The following VPS72 variants were observed in gnomAD, a reference collection of about 807,000 sequenced individuals.
The protein encoded by VPS72 is vacuolar protein sorting-associated protein 72 homolog.
VPS72 carries 27 observed loss-of-function variants against 38.9 expected under a neutral mutation model. The observed-to-expected ratio is 0.69, with a 90% CI of 0.51 to 0.96. The LOEUF is 0.96. Ranked by LOEUF, VPS72 falls within the 40% of genes least tolerant of loss-of-function variation. The pLI, the probability that VPS72 is intolerant of heterozygous loss-of-function variation, is 0.00. For synonymous variants in VPS72, 173 were observed against 186.3 expected (o/e 0.93, Z 0.58); for missense variants, 360 against 479.5 (o/e 0.75, Z 2.33).
intron 4 of VPS72, among the ~76,000 whole-genome samples, chr1:151,181,356 T>C (rs980338179): frequency 2.6e-5 from 4 of 151,554 alleles, no homozygotes; most frequent in Non-Finnish European, 5.9e-5. Flanking sequence ...TCCTCAGTGA[T>C]TCTCAGCCCC....
chr1:151,184,589 T>C (rs919911262), intron 3 of VPS72, 96 bp from the exon 4 acceptor site: 9 of 1,325,874 alleles, frequency 6.8e-6, no homozygotes, highest in Non-Finnish European at 8.0e-6. Context: ...AATTTTTTTT[T>C]CTTTTTTTTT....
Position 151,183,660 on chromosome 1 carries a change from C to T in VPS72, c.562+657G>A, listed in dbSNP as rs369278839. On this transcript the variant is annotated intron_variant, in intron 4 of 5. Coordinates refer to ENST00000368892, the MANE Select transcript of VPS72 (RefSeq NM_005997.3). ...TATTTTTGGTAGAGACAGGGTTTCACCATGTTGGCCAGGCTGGTCTGGAAC... is the reference window on the plus strand; with the variant it reads ...TATTTTTGGTAGAGACAGGGTTTCATCATGTTGGCCAGGCTGGTCTGGAAC... Among the ~76,000 whole-genome samples the T allele has an allele frequency of 2.5e-4, 38 of 152,018 alleles. 1 individual carries two copies. The highest frequency in any genetic ancestry group is 8.9e-4 in the African/African-American group (37 of 41,502).
At position 151,185,963 on chromosome 1, in the gene VPS72, G is replaced by A; in HGVS notation, c.118-13C>T. 1 of 1,613,100 alleles carries A rather than the reference G, an allele frequency of 6.2e-7. No homozygotes were observed. The highest frequency in any genetic ancestry group is 1.1e-5 in the South Asian group (1 of 91,008). ...CATCTCCGGATTCCTAAGGACACAG[G>A]GAGATAAGGGTTGGCTGGCAATGGA... On this transcript the variant is annotated splice_polypyrimidine_tract_variant and intron_variant, in intron 1 of 5. Coordinates refer to ENST00000368892, the MANE Select transcript of VPS72 (RefSeq NM_005997.3).
At chr1:151,189,765 G>A (rs1286316060) in intron 1 of VPS72, among the ~76,000 whole-genome samples, 1 of 152,082 alleles carries the variant, frequency 6.6e-6, no homozygotes. Flanking sequence ...GTTCTCTGGA[G>A]TGCCTCCGGA....
At chr1:151,180,263 G>T (rs1427224838) in intron 4 of VPS72, among the ~76,000 whole-genome samples, 2 of 150,846 alleles carry the variant, frequency 1.3e-5, no homozygotes, top group Non-Finnish European at 3.0e-5. Context: ...AGGTTGCAGT[G>T]AGCTGAGATT....
chr1:151,184,710 C>T (rs1476599419), intron 3 of VPS72, among the ~76,000 whole-genome samples: 13 of 151,702 alleles, frequency 8.6e-5, no homozygotes, highest in African/African-American at 1.5e-4. Context: ...CTCAGACTCC[C>T]GAGTAGCTGG....
At chr1:151,183,905 T>TA (rs1043748756) in intron 4 of VPS72, among the ~76,000 whole-genome samples, 41 of 150,980 alleles carry the variant, frequency 2.7e-4, no homozygotes, top group East Asian at 1.7e-3. Context: ...TTTTTTTTTT[T>TA]AAGAGATGGG....
At chr1:151,186,271 G>A (rs1684346403) in intron 1 of VPS72, among the ~76,000 whole-genome samples, 2 of 151,558 alleles carry the variant, frequency 1.3e-5, no homozygotes, top group South Asian at 4.2e-4. Flanking sequence ...TTGAGATGTG[G>A]ATCTCGAACA....
At position 151,176,844 on chromosome 1, in the gene VPS72, C is replaced by G. The variant is rs769012329; in HGVS notation, c.895G>C (p.Ala299Pro). 22 of 1,614,010 alleles carry G rather than the reference C, an allele frequency of 1.4e-5. No individual in the cohort carries two copies. The highest frequency in any genetic ancestry group is 1.7e-5 in the Non-Finnish European group (20 of 1,180,026). ...TCTGTAACAGGGTCCCGGTATAGGGCTGGACGATGGGTCACTGGACAGACC... is the reference window on the plus strand; with the variant it reads ...TCTGTAACAGGGTCCCGGTATAGGGGTGGACGATGGGTCACTGGACAGACC... Reference protein sequence around the residue: ...REVCPVTHRPALYRDPVTDIP... With the variant: ...REVCPVTHRPPLYRDPVTDIP... The change falls in exon 6 of 6, where the codon GCC becomes CCC. Residue 299 changes from alanine to proline, a missense_variant. By Grantham distance (27) the Ala-to-Pro change is conservative. Around this residue, in one of 2 missense-constraint regions of VPS72, gnomAD observed 294 missense variants for 356.3 expected, o/e 0.83. Coordinates refer to ENST00000368892, the MANE Select transcript of VPS72 (RefSeq NM_005997.3).
chr1:151,177,088 C>T, intron 5 of VPS72, 57 bp from the exon 6 acceptor site: 3 of 1,484,554 alleles, frequency 2.0e-6, no homozygotes, highest in Non-Finnish European at 2.7e-6. Flanking sequence ...ACAACAGATA[C>T]AGAAAGAAGG....
chr1:151,180,421 C>T (rs1373090663), intron 4 of VPS72, among the ~76,000 whole-genome samples: 2 of 150,344 alleles, frequency 1.3e-5, no homozygotes, highest in Non-Finnish European at 2.9e-5. Context: ...GCCAGTCTTC[C>T]AACGCCTCAA....
At chr1:151,182,964 C>T (rs1020103467) in intron 4 of VPS72, among the ~76,000 whole-genome samples, 1 of 152,108 alleles carries the variant, frequency 6.6e-6, no homozygotes, top group Non-Finnish European at 1.5e-5. Flanking sequence ...TATTTTCAGC[C>T]CAGATCTCTT....
At chr1:151,185,343 A>T (rs1002550663) in intron 3 of VPS72, among the ~76,000 whole-genome samples, 163 bp downstream of exon 3, 21 of 152,044 alleles carry the variant, frequency 1.4e-4, no homozygotes, top group Non-Finnish European at 2.2e-4. Context: ...CCAGGCTGGT[A>T]TCGAACTCCT....
chr1:151,182,132 AT>A (rs1305990873), intron 4 of VPS72, among the ~76,000 whole-genome samples: 10 of 152,076 alleles, frequency 6.6e-5, no homozygotes, highest in African/African-American at 2.4e-4. Context: ...GGTTCAAGTG[AT>A]TCTCCTGCCT....
rs879049392 is a variant in VPS72, at chr1:151,176,900, T to G, written c.839A>C (p.Gln280Pro). The change falls in exon 6 of 6, where the codon CAA becomes CCA. Residue 280 changes from glutamine to proline, a missense_variant. By Grantham distance (76) the Gln-to-Pro change is moderately conservative. This residue lies in a region of VPS72 where 294 missense variants were observed against 356.3 expected (regional missense o/e 0.83). Transcript: ENST00000368892. ...AACAGGGACTTTTGGGGGCCGCCCT[T>G]GGGGGAACCATTCCTCGAAAGTTGC... ...DDATFEEWFPQGRPPKVPVRE... is the reference protein window; with the variant it reads ...DDATFEEWFPPGRPPKVPVRE... 1 of 1,614,044 alleles carries G rather than the reference T, an allele frequency of 6.2e-7. No individual in the cohort carries two copies. The highest frequency in any genetic ancestry group is 1.1e-5 in the South Asian group (1 of 91,072).
At position 151,190,126 on chromosome 1, in the gene VPS72, C is replaced by G. The variant is rs1438902346; in HGVS notation, c.-5G>C. 1 of 1,612,650 alleles carries G rather than the reference C, an allele frequency of 6.2e-7. No homozygotes were observed. Among genetic ancestry groups the G allele is most frequent in the Non-Finnish European group, 8.5e-7 (1 of 1,180,004 alleles). Reference sequence around the variant, plus strand: ...CCGGCCCCCAGCCAAACTCATACCGCCTACCGAGACTGCGCCGCCACCTGC... The same window carrying G: ...CCGGCCCCCAGCCAAACTCATACCGGCTACCGAGACTGCGCCGCCACCTGC... On this transcript the variant is annotated 5_prime_UTR_variant, in exon 1 of 6. Coordinates refer to ENST00000368892, the MANE Select transcript of VPS72 (RefSeq NM_005997.3).
chr1:151,183,160 G>A (rs1684275208), intron 4 of VPS72, among the ~76,000 whole-genome samples: 1 of 152,062 alleles, frequency 6.6e-6, no homozygotes, highest in African/African-American at 2.4e-5. Context: ...GGTGGCCCAA[G>A]CCTGTAATCC....
At chr1:151,177,183 G>C (rs35963163) in intron 5 of VPS72, 152 bp from the exon 6 acceptor site, 4 of 744,796 alleles carry the variant, frequency 5.4e-6, no homozygotes, top group African/African-American at 3.6e-5. Flanking sequence ...TCAGGAGTTC[G>C]AGACCAGCCT....
At chr1:151,184,283 C>T in intron 4 of VPS72, 34 bp downstream of exon 4, 1 of 1,607,988 alleles carries the variant, frequency 6.2e-7, no homozygotes, top group South Asian at 1.1e-5. Flanking sequence ...CCCCTCAGCC[C>T]CTCTACTCAC....
Sources: gnomAD v4.1 joint callset for allele counts (sites outside exome capture counted in the v4.1 genomes callset) on GRCh38, gnomAD v4.1.1 for gene constraint, gnomAD v4.1.1 regional missense constraint, MANE v1.5 for transcripts, NCBI Gene and HGNC (gene_info 2026-07-23, HGNC 2026-07-21) for gene names.